USO1: variants seen among roughly 807,000 people sequenced by gnomAD.
USO1 encodes the protein general vesicular transport factor p115.
A neutral mutation model predicts 124.5 loss-of-function variants in USO1; 57 were observed. The observed-to-expected ratio is 0.46, with a 90% CI of 0.37 to 0.57. The LOEUF is 0.57. USO1 is among the 20% of genes least tolerant of loss of function. The probability of loss-of-function intolerance (pLI) is 0.00; values close to 1 mark genes in which losing one functional copy is unlikely to be tolerated. For missense variants in USO1, 900 were observed against 1,040.6 expected (o/e 0.86, Z 1.86); for synonymous variants, 369 against 362.8 (o/e 1.02, Z -0.19).
chr4:75,725,201 C>A (rs1457596311), intron 1 of USO1, among the ~76,000 whole-genome samples: 1 of 152,184 alleles, frequency 6.6e-6, no homozygotes, highest in Non-Finnish European at 1.5e-5. Flanking sequence ...GCCGAGCTGG[C>A]CCGAACTGCC....
chr4:75,744,037 A>G (rs1721047571), intron 1 of USO1, among the ~76,000 whole-genome samples: 1 of 152,244 alleles, frequency 6.6e-6, no homozygotes, highest in East Asian at 1.9e-4. Context: ...TGGCCTCCCA[A>G]AGTGCTGGGA....
intron 1 of USO1, among the ~76,000 whole-genome samples, chr4:75,750,158 G>T (rs1721264007): frequency 1.3e-5 from 2 of 152,184 alleles, no homozygotes; most frequent in Admixed American, 1.3e-4. Context: ...GTGGGGTTGG[G>T]TGCAGTGGCT....
chr4:75,763,458 G>A (rs324723), intron 4 of USO1, among the ~76,000 whole-genome samples: 53,620 of 152,018 alleles, frequency 0.35, 11,640 homozygotes, highest in African/African-American at 0.62. Flanking sequence ...TAATGTAAGT[G>A]TTCTGGGCAC....
intron 1 of USO1, among the ~76,000 whole-genome samples, chr4:75,737,250 C>T (rs1720818890): frequency 6.6e-6 from 1 of 152,128 alleles, no homozygotes; most frequent in East Asian, 1.9e-4. Flanking sequence ...GCCTATCTTA[C>T]TGTTTTTGTG....
intron 13 of USO1, among the ~76,000 whole-genome samples, chr4:75,798,282 A>C (rs1398563687): frequency 2.6e-5 from 4 of 152,102 alleles, no homozygotes; most frequent in Admixed American, 2.6e-4. Context: ...GGATGTTCTT[A>C]TATATACATT....
intron 1 of USO1, among the ~76,000 whole-genome samples, chr4:75,725,184 A>T (rs1720378351): frequency 2.0e-5 from 3 of 152,172 alleles, no homozygotes. Flanking sequence ...GAAGGGACGG[A>T]TGCGCGGCCG....
At chr4:75,796,564 G>A (rs1162893130) in intron 13 of USO1, among the ~76,000 whole-genome samples, 2 of 151,858 alleles carry the variant, frequency 1.3e-5, no homozygotes, top group Non-Finnish European at 2.9e-5. Context: ...TCGAACTCCT[G>A]ATGATCGCAG....
intron 8 of USO1, among the ~76,000 whole-genome samples, chr4:75,777,859 A>G (rs1050998210): frequency 3.3e-5 from 5 of 152,222 alleles, no homozygotes; most frequent in Admixed American, 3.3e-4. Context: ...AGTTTAAGAC[A>G]TATTCACACA....
chr4:75,813,251 G>C lies in USO1; in HGVS notation c.2845G>C (p.Asp949His). Residue 949 changes from aspartate (D) to histidine (H), a missense_variant, in exon 24 of 24, where the codon GAT becomes CAT. By Grantham distance (81) the Asp-to-His change is moderately conservative. Coordinates refer to ENST00000514213, the MANE Select transcript of USO1 (RefSeq NM_003715.4). ...ELESGDQEDE[D>H]DESEDPGKDL... ...TGAATCTGGAGACCAAGAGGATGAG[G>C]ATGATGAAAGTGAAGATCCTGGCAA... 1.2e-6 allele frequency: 2 copies of C among 1,611,302 alleles called. No homozygotes were observed. The highest frequency in any genetic ancestry group is 8.5e-7 in the Non-Finnish European group (1 of 1,179,062).
At chr4:75,810,680 TTGA>T (rs1158602122) in intron 22 of USO1, 141 bp downstream of exon 22, 3 of 1,111,840 alleles carry the variant, frequency 2.7e-6, no homozygotes, top group Non-Finnish European at 3.7e-6. Flanking sequence ...CACTCCTATA[TTGA>T]TGATTTAAGA....
intron 16 of USO1, 49 bp from the exon 17 acceptor site, chr4:75,801,030 T>C (rs1722835200): frequency 4.1e-6 from 6 of 1,448,194 alleles, no homozygotes; most frequent in African/African-American, 2.9e-5. Flanking sequence ...AGTAGTAAAA[T>C]AGTATTTAAA....
At chr4:75,781,313 T>C (rs972436092) in intron 8 of USO1, among the ~76,000 whole-genome samples, 2 of 152,164 alleles carry the variant, frequency 1.3e-5, no homozygotes, top group Non-Finnish European at 2.9e-5. Context: ...TTATTACTTA[T>C]GGATGAGCAA....
intron 1 of USO1, among the ~76,000 whole-genome samples, chr4:75,733,845 G>A (rs1255179978): frequency 1.4e-5 from 2 of 147,972 alleles, no homozygotes; most frequent in East Asian, 4.0e-4. Flanking sequence ...GTCAATTTTT[G>A]TTTTTGTCAC....
At chr4:75,758,187 TCTGTATACATTTTGTC>T (rs1721497999) in intron 4 of USO1, among the ~76,000 whole-genome samples, 1 of 152,202 alleles carries the variant, frequency 6.6e-6, no homozygotes, top group Admixed American at 6.5e-5. Context: ...TGATTGGAAG[TCTGTATACATTTTGTC>T]CTGTATACAT....
At position 75,790,707 on chromosome 4, in the gene USO1, G is replaced by A. The variant is rs760628594; in HGVS notation, c.1150G>A (p.Ala384Thr). ...AAGGCAGCCATTTGTTTTGCGCTGT[G>A]CTGTTCTCTATTGTTTCCAGTGTTT... ...NERQPFVLRC[A>T]VLYCFQCFLY... The change falls in exon 12 of 24, where the codon GCT becomes ACT. Residue 384 changes from alanine to threonine, a missense_variant. Coordinates refer to ENST00000514213, the MANE Select transcript of USO1 (RefSeq NM_003715.4). 1 of 1,613,704 alleles carries A rather than the reference G, an allele frequency of 6.2e-7. No individual in the cohort carries two copies. Among genetic ancestry groups the A allele is most frequent in the Non-Finnish European group, 8.5e-7 (1 of 1,179,732 alleles).
intron 13 of USO1, chr4:75,795,451 T>C: frequency 4.4e-6 from 3 of 679,968 alleles, no homozygotes; most frequent in Non-Finnish European, 8.0e-6. Flanking sequence ...TTTAACTGCT[T>C]GTTTGAAGTT....
At chr4:75,810,795 A>G (rs1444487292) in intron 22 of USO1, among the ~76,000 whole-genome samples, 2 of 152,044 alleles carry the variant, frequency 1.3e-5, no homozygotes, top group African/African-American at 4.8e-5. Flanking sequence ...CAGTGGCGCG[A>G]TCTCGGCTCA....
At chr4:75,763,547 A>T in intron 4 of USO1, among the ~76,000 whole-genome samples, 1 of 152,132 alleles carries the variant, frequency 6.6e-6, no homozygotes. Context: ...TCAGGACATA[A>T]CCCCATTGTA....
chr4:75,745,431 C>T (rs1160698139), intron 1 of USO1: 13 of 496,826 alleles, frequency 2.6e-5, no homozygotes, highest in Non-Finnish European at 4.8e-5. Flanking sequence ...CTTGCAGTCC[C>T]TGTAGTTCGC....
Sources: allele counts gnomAD v4.1 joint callset (sites outside exome capture counted in the v4.1 genomes callset), GRCh38; gene constraint gnomAD v4.1.1; transcripts MANE v1.5; gene names NCBI Gene and HGNC (gene_info 2026-07-23, HGNC 2026-07-21).